The following TPTE variants were observed in gnomAD, a reference collection of about 807,000 sequenced individuals.
TPTE encodes the protein putative tyrosine-protein phosphatase TPTE.
In TPTE, 59 loss-of-function variants were observed where a neutral mutation model predicts 84.1. The ratio of observed to expected loss-of-function variants is 0.70; its 90% CI spans 0.57 to 0.87. The LOEUF (loss-of-function observed/expected upper bound fraction) is 0.87, where lower values mean the gene tolerates loss of function less well. Ranked by LOEUF, TPTE falls within the 40% of genes least tolerant of loss-of-function variation. The pLI is 0.00. For missense variants in TPTE, 382 were observed against 659.6 expected, an observed-to-expected ratio of 0.58 and a Z score of 4.61; for synonymous variants, 130 against 223.5, an observed-to-expected ratio of 0.58 and a Z score of 3.73.
chr21:10,600,971 C>A (rs1394163513), intron 21 of TPTE, among the ~76,000 whole-genome samples: 15 of 152,284 alleles, frequency 9.9e-5, no homozygotes, highest in Non-Finnish European at 4.4e-5. Context: ...AGCATGCTGG[C>A]CCAACCCCCA....
chr21:10,580,136 T>A (rs2075245214), intron 17 of TPTE, among the ~76,000 whole-genome samples: 1 of 152,312 alleles, frequency 6.6e-6, no homozygotes, highest in South Asian at 2.1e-4. Flanking sequence ...TTATACCTCT[T>A]GGCCATTTGT....
intron 8 of TPTE, among the ~76,000 whole-genome samples, chr21:10,554,303 C>G (rs1231119158): frequency 2.6e-5 from 4 of 152,294 alleles, no homozygotes; most frequent in Non-Finnish European, 5.9e-5. Context: ...ATATTTGAGG[C>G]TAAATCTCTG....
At chr21:10,544,202 A>G (rs1386222121) in intron 7 of TPTE, among the ~76,000 whole-genome samples, 10 of 152,298 alleles carry the variant, frequency 6.6e-5, no homozygotes, top group African/African-American at 2.2e-4. Context: ...TACAGAAGGA[A>G]TAAAAGGATT....
intron 20 of TPTE, among the ~76,000 whole-genome samples, chr21:10,596,591 C>T (rs971493470): frequency 1.3e-5 from 2 of 152,312 alleles, no homozygotes; most frequent in African/African-American, 4.8e-5. Flanking sequence ...CCCTCTCACT[C>T]CCAGCTTACA....
chr21:10,576,944 A>G (rs2145728311), intron 14 of TPTE, among the ~76,000 whole-genome samples: 1 of 152,354 alleles, frequency 6.6e-6, no homozygotes, highest in African/African-American at 2.4e-5. Context: ...TGAGCCAAAA[A>G]AGTCTCCATA....
chr21:10,589,289 C>A (rs1454343990), intron 17 of TPTE, among the ~76,000 whole-genome samples: 1 of 152,300 alleles, frequency 6.6e-6, no homozygotes, highest in Non-Finnish European at 1.5e-5. Context: ...TGCACTTCTG[C>A]CAGCAGGTTT....
chr21:10,542,501 T>TAC (rs2074387770), intron 6 of TPTE, 53 bp downstream of exon 6: 2 of 1,599,346 alleles, frequency 1.3e-6, no homozygotes, highest in Admixed American at 1.7e-5. Flanking sequence ...CATAGAACTA[T>TAC]ACACACACAG....
At chr21:10,556,433 A>C (rs1286959240) in intron 8 of TPTE, among the ~76,000 whole-genome samples, 2 of 152,312 alleles carry the variant, frequency 1.3e-5, no homozygotes, top group Non-Finnish European at 2.9e-5. Context: ...TTCTTCATCC[A>C]GTCTATCATT....
intron 19 of TPTE, among the ~76,000 whole-genome samples, chr21:10,594,897 G>T (rs1279615255): frequency 6.6e-6 from 1 of 152,312 alleles, no homozygotes; most frequent in Non-Finnish European, 1.5e-5. Flanking sequence ...ATTCTACTGA[G>T]TGCATCTACT....
chr21:10,532,634 G>A (rs1187335570), intron 3 of TPTE, among the ~76,000 whole-genome samples: 1 of 152,298 alleles, frequency 6.6e-6, no homozygotes, highest in Non-Finnish European at 1.5e-5. Context: ...CTTATATATT[G>A]GTAAATTTTC....
At chr21:10,595,334 T>C in intron 19 of TPTE, among the ~76,000 whole-genome samples, 1 of 152,310 alleles carries the variant, frequency 6.6e-6, no homozygotes, top group Admixed American at 6.5e-5. Flanking sequence ...GGAGCCACCA[T>C]GATGGCCAAC....
intron 6 of TPTE, 21 bp downstream of exon 6, chr21:10,542,469 G>A (rs1426918345): frequency 6.2e-7 from 1 of 1,609,104 alleles, no homozygotes; most frequent in South Asian, 1.1e-5. Flanking sequence ...AATAGTTAAA[G>A]TCACCCGTCA....
At chr21:10,553,650 G>A (rs2074623339) in intron 8 of TPTE, among the ~76,000 whole-genome samples, 1 of 152,308 alleles carries the variant, frequency 6.6e-6, no homozygotes, top group Non-Finnish European at 1.5e-5. Flanking sequence ...TCATTACATA[G>A]ATATAGGAGG....
At chr21:10,523,907 CCCA>C (rs1227646850) in intron 1 of TPTE, among the ~76,000 whole-genome samples, 1 of 152,308 alleles carries the variant, frequency 6.6e-6, no homozygotes, top group African/African-American at 2.4e-5. Flanking sequence ...AGTTTACAGT[CCCA>C]CCAACAGTGT....
chr21:10,540,992 T>C (rs1250310860), intron 4 of TPTE, 120 bp from the exon 5 acceptor site: 59 of 1,442,474 alleles, frequency 4.1e-5, no homozygotes, highest in Non-Finnish European at 4.9e-5. Flanking sequence ...TTTAGTGATA[T>C]ACATACATGT....
At chr21:10,563,111 A>G (rs1275788954) in intron 10 of TPTE, among the ~76,000 whole-genome samples, 1 of 152,310 alleles carries the variant, frequency 6.6e-6, no homozygotes, top group East Asian at 1.9e-4. Flanking sequence ...TGACATATTG[A>G]AAGTGCTGAA....
intron 19 of TPTE, among the ~76,000 whole-genome samples, chr21:10,594,456 T>C (rs549015083): frequency 1.1e-4 from 17 of 152,366 alleles, no homozygotes; most frequent in Admixed American, 7.9e-4. Flanking sequence ...GTTTTCTTTG[T>C]TTGTAGTGAG....
chr21:10,601,331 CG>C (rs1247122978), intron 21 of TPTE, among the ~76,000 whole-genome samples: 1 of 152,176 alleles, frequency 6.6e-6, no homozygotes, highest in East Asian at 1.9e-4. Flanking sequence ...GGTGAAACCC[CG>C]TCTCTACTAA....
intron 3 of TPTE, among the ~76,000 whole-genome samples, chr21:10,535,349 AT>A (rs2074249174): frequency 1.3e-5 from 2 of 152,312 alleles, no homozygotes; most frequent in African/African-American, 2.4e-5. Flanking sequence ...ATGCATACAC[AT>A]ACACACACAG....
Sources: gnomAD v4.1 joint callset for allele counts (sites outside exome capture counted in the v4.1 genomes callset) on GRCh38, gnomAD v4.1.1 for gene constraint, MANE v1.5 for transcripts, NCBI Gene and HGNC (gene_info 2026-07-23, HGNC 2026-07-21) for gene names.